The following ZNF566 variants were observed in gnomAD, a reference collection of about 807,000 sequenced individuals.
ZNF566 encodes the protein zinc finger protein 566.
In ZNF566, 27 loss-of-function variants were observed where a neutral mutation model predicts 32.8. That is an observed-to-expected ratio of 0.82 (90% CI 0.61 to 1.14). The LOEUF is 1.14. ZNF566 is among the 50% of genes most tolerant of loss of function. The pLI is 0.00. For missense variants in ZNF566, 402 were observed against 490.4 expected (o/e 0.82, Z 1.70); for synonymous variants, 154 against 159.5 (o/e 0.97, Z 0.26).
At position 36,478,062 on chromosome 19, in the gene ZNF566, C is replaced by T. The variant is rs8113549; in HGVS notation, c.-59-1446G>A. The stretch of plus-strand genomic sequence containing the variant: ...TGCACCAAGCTTCTTGATCATTAAA[C>T]AATTCATCAATTATTTCATATAAAA... On this transcript the variant is annotated intron_variant, in intron 1 of 4. Transcript: ENST00000452939. Among the ~76,000 whole-genome samples the T allele has an allele frequency of 1.0e-2, 1,515 of 152,100 alleles. 27 individuals are homozygous for T. The highest frequency in any genetic ancestry group is 0.034 in the African/African-American group (1,428 of 41,496).
chr19:36,463,727 T>G (rs2967466), intron 4 of ZNF566, among the ~76,000 whole-genome samples: 149,387 of 149,466 alleles, frequency 1, 74,655 homozygotes, highest in Non-Finnish European at 1. Flanking sequence ...GTTTGCTTTT[T>G]TTGGGTTTTT....
intron 2 of ZNF566, among the ~76,000 whole-genome samples, chr19:36,473,772 T>C (rs1051082037): frequency 6.6e-6 from 1 of 152,214 alleles, no homozygotes; most frequent in Non-Finnish European, 1.5e-5. Context: ...TGCCTCACAC[T>C]ATACCTGTCA....
At chr19:36,480,232 C>T (rs1301610612) in intron 1 of ZNF566, among the ~76,000 whole-genome samples, 1 of 151,828 alleles carries the variant, frequency 6.6e-6, no homozygotes, top group African/African-American at 2.4e-5. Context: ...AGCCACATAA[C>T]CACATGTATA....
chr19:36,450,104 A>G (rs2033113393), intron 4 of ZNF566, 103 bp from the exon 5 acceptor site: 4 of 922,652 alleles, frequency 4.3e-6, no homozygotes, highest in African/African-American at 3.3e-5. Context: ...TTACAAATGG[A>G]TGAGGAAAAA....
intron 4 of ZNF566, among the ~76,000 whole-genome samples, chr19:36,462,297 G>A (rs2033487688): frequency 6.6e-6 from 1 of 152,032 alleles, no homozygotes. Context: ...CCAACTTTGG[G>A]TTTTTTGAAC....
chr19:36,471,055 T>C (rs542874161), intron 4 of ZNF566, among the ~76,000 whole-genome samples: 1 of 140,576 alleles, frequency 7.1e-6, no homozygotes, highest in Non-Finnish European at 1.5e-5. Context: ...GAAAAAAAAA[T>C]ACAAAAAAAT....
chr19:36,471,700 T>C (rs2033769733), intron 4 of ZNF566, among the ~76,000 whole-genome samples: 1 of 152,154 alleles, frequency 6.6e-6, no homozygotes, highest in African/African-American at 2.4e-5. Context: ...TTCATGTCTC[T>C]CCCTACACTG....
At chr19:36,453,983 C>A (rs2033235574) in intron 4 of ZNF566, among the ~76,000 whole-genome samples, 1 of 152,142 alleles carries the variant, frequency 6.6e-6, no homozygotes, top group African/African-American at 2.4e-5. Flanking sequence ...GCCACCACAC[C>A]TGGCTAATTT....
intron 4 of ZNF566, among the ~76,000 whole-genome samples, chr19:36,451,496 G>A (rs1257620935): frequency 2.0e-5 from 3 of 152,156 alleles, no homozygotes; most frequent in Admixed American, 2.0e-4. Flanking sequence ...TTCAAGAGAA[G>A]GGGAGAGAGT....
intron 4 of ZNF566, among the ~76,000 whole-genome samples, chr19:36,455,369 T>C (rs1317972716): frequency 6.6e-6 from 1 of 152,146 alleles, no homozygotes; most frequent in East Asian, 1.9e-4. Context: ...TCATTCCTTT[T>C]AGGCAATAAA....
intron 2 of ZNF566, chr19:36,475,984 T>C (rs2033874191): frequency 6.6e-6 from 1 of 152,190 alleles, no homozygotes; most frequent in South Asian, 2.1e-4. Context: ...TTCAACCACT[T>C]GGCTGACTAA....
rs1270870695 is a variant in ZNF566, at chr19:36,447,029, T to G, written c.*1948A>C. Reference sequence around the variant, plus strand: ...AAAGCTACACTGTGGACTTTTTTTTTTTTTTTTTAATAGTCTCATTCTGTC... The same window carrying G: ...AAAGCTACACTGTGGACTTTTTTTTGTTTTTTTTAATAGTCTCATTCTGTC... On this transcript the variant is annotated 3_prime_UTR_variant, in exon 5 of 5. Coordinates refer to ENST00000452939, the MANE Select transcript of ZNF566 (RefSeq NM_001145344.1). 2.6e-5 allele frequency: 4 copies of G among 151,988 alleles called. No individual in the cohort carries two copies. The highest frequency in any genetic ancestry group is 5.9e-5 in the Non-Finnish European group (4 of 68,008). The allele number at this position is 151,988 out of a possible 1,614,324, so 9.4% of individuals were successfully genotyped here.
intron 4 of ZNF566, among the ~76,000 whole-genome samples, chr19:36,462,534 C>T (rs1406353303): frequency 6.6e-6 from 1 of 151,952 alleles, no homozygotes; most frequent in Non-Finnish European, 1.5e-5. Context: ...AAGAAGGTTC[C>T]TATTCCTTGT....
At chr19:36,476,719 G>GT (rs2033895757) in intron 1 of ZNF566, 103 bp from the exon 2 acceptor site, 2 of 915,004 alleles carry the variant, frequency 2.2e-6, no homozygotes, top group Non-Finnish European at 3.2e-6. Flanking sequence ...TGCTTGTGGG[G>GT]TATCAGTGAG....
At chr19:36,471,144 G>A (rs1414860598) in intron 4 of ZNF566, among the ~76,000 whole-genome samples, 1 of 150,660 alleles carries the variant, frequency 6.6e-6, no homozygotes, top group African/African-American at 2.4e-5. Context: ...AACCTGGGAA[G>A]CGGAGGTTGC....
intron 4 of ZNF566, among the ~76,000 whole-genome samples, chr19:36,452,891 G>A (rs983233183): frequency 5.3e-5 from 8 of 152,114 alleles, no homozygotes; most frequent in Admixed American, 1.3e-4. Context: ...AGGCCAAAGC[G>A]GGCAGATCAC....
At chr19:36,479,709 G>A (rs1035481336) in intron 1 of ZNF566, among the ~76,000 whole-genome samples, 1 of 152,192 alleles carries the variant, frequency 6.6e-6, no homozygotes, top group Non-Finnish European at 1.5e-5. Flanking sequence ...ATCAAAGCTC[G>A]CTGTAGCCTC....
At chr19:36,467,815 A>G (rs1357197423) in intron 4 of ZNF566, among the ~76,000 whole-genome samples, 3 of 125,864 alleles carry the variant, frequency 2.4e-5, no homozygotes, top group African/African-American at 9.2e-5. Context: ...AAAAAAAAAA[A>G]AAAAAAAAAG....
rs2033057772 is a variant in ZNF566, at chr19:36,448,726, A to C, written c.*251T>G. 1 of 330,228 alleles carries C rather than the reference A, an allele frequency of 3.0e-6. No individual in the cohort carries two copies. Among genetic ancestry groups the C allele is most frequent in the Non-Finnish European group, 5.5e-6 (1 of 183,242 alleles). 20.5% of individuals were successfully genotyped at this position (330,228 alleles called of 1,614,324 possible). A position where few individuals can be genotyped will look rare whatever the true frequency, so the allele number is the denominator to read the frequency against. ...AGTGCTGTCATTTTCAGTATGACAG[A>C]CTGAATTATCTATCATATTGCTAGA... On this transcript the variant is annotated 3_prime_UTR_variant, in exon 5 of 5. Transcript: ENST00000452939.
Sources: allele counts gnomAD v4.1 joint callset (sites outside exome capture counted in the v4.1 genomes callset), GRCh38; gene constraint gnomAD v4.1.1; transcripts MANE v1.5; gene names NCBI Gene and HGNC (gene_info 2026-07-23, HGNC 2026-07-21).